CEP85L: variants seen among roughly 807,000 people sequenced by gnomAD.
The protein encoded by CEP85L is centrosomal protein of 85 kDa-like.
Under a neutral mutation model 100.3 loss-of-function variants are expected in CEP85L, and 60 were observed. The observed-to-expected ratio is 0.60, with a 90% CI of 0.49 to 0.74. The LOEUF is 0.74. Ranked by LOEUF, CEP85L falls within the 30% of genes least tolerant of loss-of-function variation. The pLI is 0.00. For synonymous variants in CEP85L, 319 were observed against 322.7 expected (o/e 0.99, Z 0.12); for missense variants, 973 against 936.2 (o/e 1.04, Z -0.51).
intron 3 of CEP85L, 183 bp downstream of exon 3, chr6:118,565,346 G>A: frequency 1.6e-6 from 1 of 616,158 alleles, no homozygotes; most frequent in Non-Finnish European, 2.8e-6. Flanking sequence ...ATGTTAATTA[G>A]TCTCAAATGC....
At chr6:118,491,443 A>G in intron 6 of CEP85L, 1 of 1,216,730 alleles carries the variant, frequency 8.2e-7, no homozygotes, top group Non-Finnish European at 1.0e-6. Flanking sequence ...TGGTGTAGGC[A>G]ATTAATTTTT....
intron 1 of CEP85L, among the ~76,000 whole-genome samples, chr6:118,683,498 C>T (rs1430977799): frequency 2.0e-5 from 3 of 152,296 alleles, no homozygotes; most frequent in South Asian, 2.1e-4. Flanking sequence ...CAAACTACAA[C>T]GAATCTTCCT....
At chr6:118,513,211 C>T (rs1006256330) in intron 4 of CEP85L, among the ~76,000 whole-genome samples, 1 of 151,814 alleles carries the variant, frequency 6.6e-6, no homozygotes, top group Non-Finnish European at 1.5e-5. Context: ...TTATAAGAGG[C>T]CAAATACATG....
intron 2 of CEP85L, among the ~76,000 whole-genome samples, chr6:118,602,109 ATCT>A (rs1212694525): frequency 2.6e-5 from 4 of 152,134 alleles, no homozygotes; most frequent in Non-Finnish European, 5.9e-5. Flanking sequence ...ATGAAGATCC[ATCT>A]TCTTCTGTAA....
rs1554216838 is a variant in CEP85L at position 118,542,923 on chromosome 6, A to AAAAAAAAAAAAAAAAC, written c.1021-19004_1021-19003insGTTTTTTTTTTTTTTT. ...CCCAAAAAAAAAAAAAAAAAAAAAA[A>AAAAAAAAAAAAAAAAC]CAGGATATTCACAGCAACCAATCAG... On this transcript the variant is annotated intron_variant, in intron 3 of 12. Coordinates refer to ENST00000368491, the MANE Select transcript of CEP85L (RefSeq NM_001042475.3). Among the ~76,000 whole-genome samples the AAAAAAAAAAAAAAAAC allele has an allele frequency of 4.6e-4, 66 of 144,000 alleles. 2 individuals carry two copies. The highest frequency in any genetic ancestry group is 8.2e-4 in the Non-Finnish European group (53 of 64,620). 94.5% of individuals were successfully genotyped at this position (144,000 alleles called of 152,430 possible).
chr6:118,472,332 A>G (rs565571144), intron 10 of CEP85L, among the ~76,000 whole-genome samples: 1 of 152,214 alleles, frequency 6.6e-6, no homozygotes, highest in African/African-American at 2.4e-5. Context: ...AAAAAGGAAA[A>G]TCAGATTTCT....
In CEP85L at chr6:118,569,956, C is replaced by T. The variant is rs186374708; in HGVS notation, c.233-3640G>A. On this transcript the variant is annotated intron_variant, in intron 2 of 12. Transcript: ENST00000368491. ...ACTATTAAAGGCTGCAAATATACTA[C>T]AGTAATGGGAACACAAACTGTTATA... Among the ~76,000 whole-genome samples the T allele has an allele frequency of 1.1e-4, 17 of 152,196 alleles. No individual in the cohort carries two copies. In the East Asian group the frequency reaches 2.9e-3, roughly 26 times the overall value.
At chr6:118,651,636 A>C (rs911996565), upstream of CEP85L, 11 of 943,398 alleles carry the variant, frequency 1.2e-5, no homozygotes, top group Admixed American at 1.1e-4. Flanking sequence ...TGGGGCCGCG[A>C]GGGGGCGGGG....
chr6:118,692,811 C>G (rs1314913237), intron 1 of CEP85L, among the ~76,000 whole-genome samples: 2 of 78,468 alleles, frequency 2.5e-5, no homozygotes, highest in East Asian at 6.3e-4. Context: ...AAGGGGGCTT[C>G]ACGGATTTTT....
intron 6 of CEP85L, among the ~76,000 whole-genome samples, chr6:118,487,793 A>G (rs1242113590): frequency 6.6e-6 from 1 of 152,218 alleles, no homozygotes; most frequent in Non-Finnish European, 1.5e-5. Context: ...GGTTTAGGCT[A>G]GCAGTTTCCA....
At chr6:118,702,995 CAAAAAA>C (rs34426942) in intron 1 of CEP85L, among the ~76,000 whole-genome samples, 5 of 93,690 alleles carry the variant, frequency 5.3e-5, no homozygotes, top group African/African-American at 1.7e-4. Flanking sequence ...GACTCTGTCT[CAAAAAA>C]AAAAAAAAAA....
chr6:118,490,298 A>G (rs918422563), intron 6 of CEP85L, among the ~76,000 whole-genome samples: 17 of 152,184 alleles, frequency 1.1e-4, no homozygotes, highest in African/African-American at 4.1e-4. Context: ...TGAATTATAC[A>G]CTCAAAAATT....
At chr6:118,646,977 T>G (rs1049318679) in intron 1 of CEP85L, 2 of 985,220 alleles carry the variant, frequency 2.0e-6, no homozygotes, top group African/African-American at 1.7e-5. Context: ...TTCCAATTAT[T>G]AATCAAGTTC....
chr6:118,694,567 G>A (rs565643315), intron 1 of CEP85L, among the ~76,000 whole-genome samples: 13 of 152,238 alleles, frequency 8.5e-5, no homozygotes, highest in African/African-American at 3.1e-4. Context: ...GTTTGCAGAA[G>A]AGTGACATGT....
chr6:118,491,154 A>C (rs1454363245), intron 6 of CEP85L, among the ~76,000 whole-genome samples: 2 of 149,454 alleles, frequency 1.3e-5, no homozygotes. Context: ...CATTCTCACC[A>C]ATAGTGTAAA....
chr6:118,478,155 A>G (rs530324199), intron 10 of CEP85L, among the ~76,000 whole-genome samples: 11 of 152,082 alleles, frequency 7.2e-5, no homozygotes, highest in Non-Finnish European at 1.3e-4. Flanking sequence ...TTTTCAACCC[A>G]AAGTGTTCTT....
rs947794630 is a variant in CEP85L at position 118,575,549 on chromosome 6, G to A, written c.233-9233C>T. ...CTTACCCTTTAGATCACCTTCCCCC[G>A]CCAAACACCTCTAACTTCCCTCCCC... On this transcript the variant is annotated intron_variant, in intron 2 of 12. Coordinates refer to ENST00000368491, the MANE Select transcript of CEP85L (RefSeq NM_001042475.3). 4.6e-5 allele frequency among the ~76,000 whole-genome samples: 7 copies of A among 152,000 alleles called. No individual in the cohort carries two copies. In the East Asian group the frequency reaches 5.8e-4, roughly 13 times the overall value.
intron 1 of CEP85L, among the ~76,000 whole-genome samples, chr6:118,677,415 G>A (rs1170088304): frequency 6.6e-6 from 1 of 152,142 alleles, no homozygotes; most frequent in African/African-American, 2.4e-5. Flanking sequence ...CTGGCTGCCA[G>A]TTGGAGGAGT....
chr6:118,469,023 G>T (rs1216760360), intron 12 of CEP85L, 49 bp downstream of exon 12: 1 of 1,269,342 alleles, frequency 7.9e-7, no homozygotes, highest in Non-Finnish European at 1.1e-6. Flanking sequence ...GATTCATGAA[G>T]ATAGGTTTCT....
Sources: gnomAD v4.1 joint callset for allele counts (sites outside exome capture counted in the v4.1 genomes callset) on GRCh38, gnomAD v4.1.1 for gene constraint, MANE v1.5 for transcripts, NCBI Gene and HGNC (gene_info 2026-07-23, HGNC 2026-07-21) for gene names.